Variants in CNTLN observed in about 807,000 individuals in gnomAD.
The protein encoded by CNTLN is centlein.
Under a neutral mutation model 180.0 loss-of-function variants are expected in CNTLN, and 212 were observed. The ratio of observed to expected loss-of-function variants is 1.18; its 90% CI spans 1.05 to 1.32. CNTLN has a LOEUF of 1.32. CNTLN is among the 40% of genes most tolerant of loss of function. The pLI is 0.00. For synonymous variants in CNTLN, 722 were observed against 563.1 expected, an observed-to-expected ratio of 1.28 and a Z score of -3.99; for missense variants, 2,095 against 1,610.9, an observed-to-expected ratio of 1.30 and a Z score of -5.14.
chr9:17,261,447 G>T (rs939440464), intron 5 of CNTLN, among the ~76,000 whole-genome samples: 2 of 151,378 alleles, frequency 1.3e-5, no homozygotes, highest in Admixed American at 1.3e-4. Flanking sequence ...TTGTAAATGG[G>T]ATTGTGTTTG....
At chr9:17,192,868 G>T (rs1481228654) in intron 2 of CNTLN, among the ~76,000 whole-genome samples, 2 of 152,158 alleles carry the variant, frequency 1.3e-5, no homozygotes, top group African/African-American at 4.8e-5. Flanking sequence ...TCACGCTGCT[G>T]ATAAAGACGT....
At chr9:17,300,674 A>G (rs1336344115) in intron 7 of CNTLN, 1 of 152,210 alleles carries the variant, frequency 6.6e-6, no homozygotes, top group Non-Finnish European at 1.5e-5. Context: ...GCTCTCTTCA[A>G]GTCCCTCCAG....
intron 25 of CNTLN, among the ~76,000 whole-genome samples, chr9:17,500,714 C>T (rs1833703712): frequency 6.6e-6 from 1 of 152,168 alleles, no homozygotes; most frequent in South Asian, 2.1e-4. Context: ...ACACTTCTGC[C>T]TTGTTTCCAC....
rs1451650226 is a variant in CNTLN, at chr9:17,302,117, CACAG to C, written c.1146+3769_1146+3772del. The stretch of plus-strand genomic sequence containing the variant: ...ACACACACACACACACACACACACA[CACAG>C]ACACACACACACTGACCTATCCACC... On this transcript the variant is annotated intron_variant, in intron 7 of 25. Coordinates refer to ENST00000380647, the MANE Select transcript of CNTLN (RefSeq NM_017738.4). 800 of 716,772 alleles carry C rather than the reference CACAG, an allele frequency of 1.1e-3. 5 individuals are homozygous for C. The African/African-American group carries it at 0.026, about 23-fold the overall frequency. 44.4% of individuals were successfully genotyped at this position (716,772 alleles called of 1,614,324 possible). A position where few individuals can be genotyped will look rare whatever the true frequency, so the allele number is the denominator to read the frequency against.
At chr9:17,208,523 C>A (rs1408030142) in intron 2 of CNTLN, among the ~76,000 whole-genome samples, 1 of 152,076 alleles carries the variant, frequency 6.6e-6, no homozygotes, top group Non-Finnish European at 1.5e-5. Context: ...GTTTTTCCAA[C>A]TACTTTAAAT....
intron 5 of CNTLN, among the ~76,000 whole-genome samples, chr9:17,266,609 C>A (rs997034706): frequency 1.3e-5 from 2 of 152,130 alleles, no homozygotes; most frequent in Non-Finnish European, 2.9e-5. Context: ...CTTTCTGTCT[C>A]GTTGATCTGT....
downstream of CNTLN, among the ~76,000 whole-genome samples, chr9:17,508,620 C>G (rs1833975153): frequency 6.6e-6 from 1 of 152,182 alleles, no homozygotes; most frequent in Non-Finnish European, 1.5e-5. Flanking sequence ...TTCATCATCA[C>G]TATAATTTTG....
chr9:17,268,684 C>G (rs1009465781), intron 5 of CNTLN, among the ~76,000 whole-genome samples: 1 of 152,150 alleles, frequency 6.6e-6, no homozygotes, highest in Non-Finnish European at 1.5e-5. Context: ...TGTGGTTGGG[C>G]TCCACCCAGT....
the CNTLN span, among the ~76,000 whole-genome samples, chr9:17,528,393 T>A: frequency 6.6e-6 from 1 of 152,288 alleles, no homozygotes; most frequent in East Asian, 1.9e-4. Flanking sequence ...CCCAGCTTGA[T>A]TATGAAGAGG....
chr9:17,320,563 C>T (rs1470946329), intron 8 of CNTLN, among the ~76,000 whole-genome samples: 3 of 152,062 alleles, frequency 2.0e-5, no homozygotes, highest in Admixed American at 6.6e-5. Context: ...AGTGCAATGA[C>T]GTGATCTTGG....
chr9:17,359,736 A>C (rs796551043), intron 12 of CNTLN, among the ~76,000 whole-genome samples: 14 of 112,546 alleles, frequency 1.2e-4, no homozygotes, highest in African/African-American at 3.4e-4. Flanking sequence ...AAAAAAAAAA[A>C]AAAAAAAAAA....
chr9:17,192,442 T>C (rs1821849662), intron 2 of CNTLN, among the ~76,000 whole-genome samples: 1 of 151,844 alleles, frequency 6.6e-6, no homozygotes, highest in African/African-American at 2.4e-5. Flanking sequence ...TTTCACCACA[T>C]TGGCCAAGCT....
chr9:17,261,116 A>G (rs114696350), intron 5 of CNTLN, among the ~76,000 whole-genome samples: 2,894 of 151,404 alleles, frequency 0.019, 207 homozygotes, highest in African/African-American at 0.067. Context: ...AATGTGATGC[A>G]TCTGGCTTTG....
At chr9:17,325,944 T>C (rs545207605) in intron 8 of CNTLN, among the ~76,000 whole-genome samples, 9 of 152,224 alleles carry the variant, frequency 5.9e-5, no homozygotes, top group African/African-American at 1.7e-4. Flanking sequence ...CGGCCCCCAC[T>C]GTAATAATGC....
At chr9:17,301,104 T>C in intron 7 of CNTLN, 3 of 985,410 alleles carry the variant, frequency 3.0e-6, no homozygotes, top group Non-Finnish European at 3.6e-6. Context: ...GTCATACCAG[T>C]AATACTTTGC....
chr9:17,166,810 A>G (rs1306791973), intron 2 of CNTLN: 2 of 395,986 alleles, frequency 5.1e-6, no homozygotes, highest in South Asian at 4.0e-5. Context: ...CCCATTACAT[A>G]TTCTTAGGAG....
At chr9:17,149,519 T>TG (rs1271735138) in intron 2 of CNTLN, among the ~76,000 whole-genome samples, 1 of 143,288 alleles carries the variant, frequency 7.0e-6, no homozygotes, top group Non-Finnish European at 1.5e-5. Flanking sequence ...TTTCTTTTTT[T>TG]TTTTTTTTTT....
chr9:17,290,496 A>G (rs982171361), intron 6 of CNTLN, among the ~76,000 whole-genome samples: 46 of 146,328 alleles, frequency 3.1e-4, no homozygotes, highest in Non-Finnish European at 5.3e-4. Context: ...GGTGGAGCCT[A>G]CAGAGGCAGG....
Position 17,466,702 on chromosome 9 carries a change from G to A in CNTLN, c.3670-4G>A. 6.2e-7 allele frequency: 1 copy of A among 1,603,416 alleles called. No homozygotes were observed. The highest frequency in any genetic ancestry group is 8.5e-7 in the Non-Finnish European group (1 of 1,174,714). ...TTTATTTTATGACTGCTGATCTTTT[G>A]CAGGATCTCAAGCTTACTCTCCTAG... On this transcript the variant is annotated splice_polypyrimidine_tract_variant and splice_region_variant and intron_variant, in intron 22 of 25. Transcript: ENST00000380647.
Sources: allele counts gnomAD v4.1 joint callset (sites outside exome capture counted in the v4.1 genomes callset), GRCh38; gene constraint gnomAD v4.1.1; transcripts MANE v1.5; gene names NCBI Gene and HGNC (gene_info 2026-07-23, HGNC 2026-07-21).